Variants in OPHN1 observed in about 807,000 individuals in gnomAD.
OPHN1 encodes the protein oligophrenin-1.
In OPHN1, 11 loss-of-function variants were observed where a neutral mutation model predicts 60.7. That is an observed-to-expected ratio of 0.18 (90% CI 0.11 to 0.30). OPHN1 has a LOEUF of 0.30. Among genes scored for constraint, OPHN1 ranks in the 10% least tolerant of loss-of-function variants. The probability of loss-of-function intolerance (pLI) is 1.00; values close to 1 mark genes in which losing one functional copy is unlikely to be tolerated. For synonymous variants in OPHN1, 226 were observed against 222.6 expected (o/e 1.02, Z -0.14); for missense variants, 449 against 611.0 (o/e 0.73, Z 2.80).
At chrX:68,317,505 G>GAAA (rs1240126563) in intron 2 of OPHN1, among the ~76,000 whole-genome samples, 1 of 75,987 alleles carries the variant, frequency 1.3e-5, no homozygotes, top group African/African-American at 6.3e-5. Flanking sequence ...GAGAGAGGGA[G>GAAA]GGAAAGAGAG....
chrX:68,193,644 A>T (rs1602226216), intron 14 of OPHN1, among the ~76,000 whole-genome samples: 1 of 112,018 alleles, frequency 8.9e-6, no homozygotes, highest in East Asian at 2.8e-4. Context: ...ACACTGCTTA[A>T]GGAGTGCCAG....
chrX:68,240,223 C>T (rs1367155111), intron 5 of OPHN1, among the ~76,000 whole-genome samples: 2 of 112,169 alleles, frequency 1.8e-5, no homozygotes, highest in Non-Finnish European at 3.8e-5. Context: ...TTTAAAGTTT[C>T]TCCATTTAGT....
chrX:68,107,193 T>C (rs1479394868), intron 18 of OPHN1, among the ~76,000 whole-genome samples: 1 of 111,740 alleles, frequency 8.9e-6, no homozygotes, highest in Non-Finnish European at 1.9e-5. Flanking sequence ...TCTCAAATGT[T>C]ATGGGAGAAA....
At chrX:68,056,262 T>C (rs1348075543) in intron 21 of OPHN1, among the ~76,000 whole-genome samples, 1 of 111,074 alleles carries the variant, frequency 9.0e-6, no homozygotes, top group Non-Finnish European at 1.9e-5. Flanking sequence ...CTCCTGTGTA[T>C]TATAATCATT....
At chrX:68,182,148 C>CA in intron 15 of OPHN1, among the ~76,000 whole-genome samples, 1 of 100,466 alleles carries the variant, frequency 1.0e-5, no homozygotes, top group East Asian at 3.3e-4. Context: ...CAAATAATTA[C>CA]AATTTGATAA....
chrX:68,378,272 G>A (rs1347577257), intron 2 of OPHN1, among the ~76,000 whole-genome samples: 107 of 111,850 alleles, frequency 9.6e-4, no homozygotes, highest in Non-Finnish European at 1.8e-3. Context: ...ACTTTTCGAT[G>A]GGGTTGTTTG....
chrX:68,090,242 CTGTGTGTGTG>C (rs10549357), intron 19 of OPHN1, among the ~76,000 whole-genome samples: 3 of 98,160 alleles, frequency 3.1e-5, no homozygotes, highest in Admixed American at 2.3e-4. Flanking sequence ...GTGTGTGTGT[CTGTGTGTGTG>C]TGTGTGTGTG....
chrX:68,146,032 C>T (rs1183465552), intron 15 of OPHN1, among the ~76,000 whole-genome samples: 1 of 112,318 alleles, frequency 8.9e-6, no homozygotes, highest in East Asian at 2.8e-4. Context: ...TATTTACTAA[C>T]TGACCCTTTA....
At chrX:68,322,164 G>A (rs1156378848) in intron 2 of OPHN1, among the ~76,000 whole-genome samples, 1 of 109,680 alleles carries the variant, frequency 9.1e-6, no homozygotes, top group African/African-American at 3.3e-5. Context: ...TAGAGATGGG[G>A]TTTCGCCATG....
rs2076903085 is a variant in OPHN1 at position 68,063,926 on chromosome X, A to G, written c.2086T>C (p.Ser696Pro). 3 of 1,195,404 alleles carry G rather than the reference A, an allele frequency of 2.5e-6. No individual in the cohort carries two copies. The highest frequency in any genetic ancestry group is 3.4e-6 in the Non-Finnish European group (3 of 887,229). Residue 696 changes from serine to proline, a missense_variant, in exon 21 of 25, where the codon TCT (serine) becomes CCT (proline). Ser to Pro is a moderately conservative substitution (Grantham distance 74). Transcript: ENST00000355520. ...PKATNGPMPG[S>P]GPTKTPSFHI... ...AAAGAGGGGGTCTTGGTGGGCCCAG[A>G]GCCTGGCATGGGTCCATTGGTGGCC...
intron 18 of OPHN1, among the ~76,000 whole-genome samples, chrX:68,110,900 C>T (rs777042870): frequency 3.6e-5 from 4 of 111,128 alleles, no homozygotes; most frequent in Non-Finnish European, 7.5e-5. Flanking sequence ...TAGGAAAACT[C>T]GAGGTCCAGA....
In OPHN1 at chrX:68,432,926, G is replaced by T. The variant is rs1490279388; in HGVS notation, c.95C>A (p.Thr32Asn). The T allele has an allele frequency of 2.5e-6, 3 of 1,210,249 alleles. No individual in the cohort carries two copies. Among genetic ancestry groups the T allele is most frequent in the African/African-American group, 1.7e-5 (1 of 57,435 alleles). The change falls in exon 2 of 25, where the codon ACC becomes AAC. Residue 32 changes from threonine (T) to asparagine (N), a missense_variant. Physicochemically the swap from Thr to Asn is moderately conservative, Grantham distance 65 (BLOSUM62 0). Around this residue, in one of 4 missense-constraint regions of OPHN1, gnomAD observed 99 missense variants for 155.2 expected, o/e 0.64. Transcript: ENST00000355520. ...GATTACGTCTTTGATGAATTTGTTG[G>T]TCCTCTCCAGTTCCTGCTCATAACA... ...LKCYEQELERTNKFIKDVIKD... is the reference protein window; with the variant it reads ...LKCYEQELERNNKFIKDVIKD...
intron 15 of OPHN1, among the ~76,000 whole-genome samples, chrX:68,180,116 C>G (rs1051348401): frequency 9.0e-6 from 1 of 111,603 alleles, no homozygotes; most frequent in South Asian, 3.8e-4. Context: ...TACTATAAAA[C>G]CCCAATGCAG....
chrX:68,216,936 G>T lies in OPHN1; in HGVS notation c.487-2964C>A, dbSNP rs190002798. ...AAATTGGGGAGGAGCCAAGATGGCC[G>T]AATAGGAACAGCTCCGGTCTACAGC... On this transcript the variant is annotated intron_variant, in intron 6 of 24. Transcript: ENST00000355520. 3.6e-5 allele frequency among the ~76,000 whole-genome samples: 4 copies of T among 112,156 alleles called. No homozygotes were observed. In the Admixed American group the frequency reaches 3.8e-4, roughly 11 times the overall value.
chrX:68,117,325 T>C (rs1374070127), intron 16 of OPHN1, among the ~76,000 whole-genome samples: 1 of 111,778 alleles, frequency 8.9e-6, no homozygotes, highest in African/African-American at 3.3e-5. Context: ...TAAACCAAAA[T>C]GGGTGACGTC....
intron 5 of OPHN1, 70 bp downstream of exon 5, chrX:68,274,668 G>T (rs900894201): frequency 5.0e-5 from 37 of 744,613 alleles, no homozygotes; most frequent in Non-Finnish European, 7.1e-5. Context: ...TTTGTAAAGT[G>T]AAGAATAGTA....
chrX:68,052,474 T>C, intron 23 of OPHN1, 66 bp downstream of exon 23: 4 of 975,481 alleles, frequency 4.1e-6, no homozygotes, highest in South Asian at 2.0e-5. Flanking sequence ...GTGAGCACAA[T>C]TGTATGCTAA....
intron 3 of OPHN1, among the ~76,000 whole-genome samples, chrX:68,286,144 T>TTGGAAATC (rs1192568250): frequency 1.8e-5 from 2 of 111,178 alleles, no homozygotes. Flanking sequence ...TGTGGCAACT[T>TTGGAAATC]TGGAAATCAG....
At chrX:68,364,092 T>A (rs2078487057) in intron 2 of OPHN1, among the ~76,000 whole-genome samples, 1 of 112,021 alleles carries the variant, frequency 8.9e-6, no homozygotes, top group Non-Finnish European at 1.9e-5. Context: ...ATTTTCTCAA[T>A]GATTAATAAG....
Sources: gnomAD v4.1 joint callset for allele counts (sites outside exome capture counted in the v4.1 genomes callset) on GRCh38, gnomAD v4.1.1 for gene constraint, gnomAD v4.1.1 regional missense constraint, MANE v1.5 for transcripts, NCBI Gene and HGNC (gene_info 2026-07-23, HGNC 2026-07-21) for gene names.